Variants in FARP2 observed in about 807,000 individuals in gnomAD.
FARP2 encodes the protein FERM, ARHGEF and pleckstrin domain-containing protein 2.
Under a neutral mutation model 130.5 loss-of-function variants are expected in FARP2, and 111 were observed. That is an observed-to-expected ratio of 0.85 (90% CI 0.73 to 1.00). The LOEUF is 1.00. FARP2 is among the 50% of genes least tolerant of loss of function. The pLI is 0.00. For synonymous variants in FARP2, 504 were observed against 516.9 expected (o/e 0.98, Z 0.34); for missense variants, 1,385 against 1,346.3 (o/e 1.03, Z -0.45).
rs1171241730 is a variant in FARP2 at position 241,462,553 on chromosome 2, G to T, written c.1618G>T (p.Val540Phe). Reference protein sequence around the residue: ...RVPADEAYFIVKEILATERTY... With the variant: ...RVPADEAYFIFKEILATERTY... ...GCCTGCAGACGAGGCCTACTTCATA[G>T]TCAAAGAGATTCTCGCTACAGAACG... The change falls in exon 15 of 27, where the codon GTC (valine) becomes TTC (phenylalanine). Residue 540 changes from valine (V) to phenylalanine (F), a missense_variant. Val to Phe is a conservative substitution (Grantham distance 50). Transcript: ENST00000264042. The T allele has an allele frequency of 1.9e-6, 3 of 1,613,920 alleles. No individual in the cohort carries two copies. The highest frequency in any genetic ancestry group is 2.5e-6 in the Non-Finnish European group (3 of 1,179,908).
At chr2:241,433,129 T>TTA (rs71951290) in intron 9 of FARP2, among the ~76,000 whole-genome samples, 1 of 143,916 alleles carries the variant, frequency 6.9e-6, no homozygotes, top group African/African-American at 2.6e-5. Flanking sequence ...ACTCTGTAAG[T>TTA]AAAAAAAAAA....
intron 11 of FARP2, among the ~76,000 whole-genome samples, chr2:241,435,417 T>C (rs967994556): frequency 5.3e-5 from 8 of 152,174 alleles, no homozygotes; most frequent in African/African-American, 1.9e-4. Flanking sequence ...ATTTTAAATA[T>C]TAATCTTTAC....
At chr2:241,404,002 A>G (rs1002512727) in intron 3 of FARP2, 70 bp downstream of exon 3, 4 of 788,034 alleles carry the variant, frequency 5.1e-6, no homozygotes, top group East Asian at 2.5e-5. Context: ...AAGATCTTTC[A>G]TCATTGCCAC....
chr2:241,403,941 T>C lies in FARP2; in HGVS notation c.288+9T>C, dbSNP rs745572840. 1 of 1,535,108 alleles carries C rather than the reference T, an allele frequency of 6.5e-7. No homozygotes were observed. ...ATACTCAGTCCTACTGGGTAAGTGC[T>C]TATGACGTGCCCAGGCGTGGAGCCT... On this transcript the variant is annotated intron_variant, in intron 3 of 26. Coordinates refer to ENST00000264042, the MANE Select transcript of FARP2 (RefSeq NM_014808.4).
intron 13 of FARP2, chr2:241,456,533 C>T (rs1240326151): frequency 1.1e-5 from 6 of 553,538 alleles, no homozygotes. Flanking sequence ...GGATTGCTCT[C>T]TGAAATTGGG....
intron 5 of FARP2, among the ~76,000 whole-genome samples, chr2:241,410,720 G>A (rs370247880): frequency 2.2e-4 from 34 of 152,100 alleles, no homozygotes; most frequent in African/African-American, 7.5e-4. Context: ...GGGAGCCATC[G>A]CCCCTGGCCA....
At chr2:241,396,102 A>G (rs2062021619) in intron 2 of FARP2, 1 of 152,188 alleles carries the variant, frequency 6.6e-6, no homozygotes, top group Admixed American at 6.5e-5. Context: ...CCTGTTTAAT[A>G]AATGGTGCTG....
chr2:241,491,397 C>T, intron 23 of FARP2, 119 bp from the exon 24 acceptor site: 1 of 1,156,748 alleles, frequency 8.6e-7, no homozygotes, highest in Non-Finnish European at 1.2e-6. Flanking sequence ...CAGCAGCTGG[C>T]CTAGCACCAA....
At chr2:241,431,917 G>A (rs1295635126) in intron 9 of FARP2, 143 bp downstream of exon 9, 8 of 233,118 alleles carry the variant, frequency 3.4e-5, no homozygotes, top group Admixed American at 1.7e-4. Context: ...TGCCTCCCGG[G>A]TTCAAGCGAT....
chr2:241,491,223 A>G (rs1186316028), intron 23 of FARP2, 44 bp downstream of exon 23: 3 of 1,387,132 alleles, frequency 2.2e-6, no homozygotes, highest in East Asian at 2.3e-5. Flanking sequence ...CACTACACCT[A>G]AGGAGGCTTT....
At chr2:241,361,883 ATTTTTAT>A (rs2061194699) in intron 1 of FARP2, among the ~76,000 whole-genome samples, 1 of 151,040 alleles carries the variant, frequency 6.6e-6, no homozygotes, top group Non-Finnish European at 1.5e-5. Context: ...TATTATTATT[ATTTTTAT>A]TTTTTATTTA....
intron 22 of FARP2, 25 bp from the exon 23 acceptor site, chr2:241,491,036 C>G (rs377100342): frequency 1.1e-5 from 17 of 1,568,430 alleles, no homozygotes; most frequent in African/African-American, 1.4e-5. Flanking sequence ...AGCAGAGCCA[C>G]TGAGCCTTGC....
intron 4 of FARP2, among the ~76,000 whole-genome samples, chr2:241,406,272 C>T (rs917628147): frequency 6.6e-6 from 1 of 152,038 alleles, no homozygotes; most frequent in African/African-American, 2.4e-5. Flanking sequence ...CACGTCACTG[C>T]ACTCCAGCCT....
intron 13 of FARP2, among the ~76,000 whole-genome samples, chr2:241,447,407 G>A (rs935737296): frequency 1.3e-5 from 2 of 152,174 alleles, no homozygotes; most frequent in Non-Finnish European, 2.9e-5. Context: ...AGCTCTGTCA[G>A]TGCTTCCTGC....
intron 19 of FARP2, among the ~76,000 whole-genome samples, chr2:241,480,279 C>G (rs1270852215): frequency 6.6e-6 from 1 of 152,232 alleles, no homozygotes; most frequent in East Asian, 1.9e-4. Flanking sequence ...ACCTGATTAA[C>G]CAAGTTCTCC....
chr2:241,410,690 A>G (rs2062493841), intron 5 of FARP2, among the ~76,000 whole-genome samples: 1 of 152,130 alleles, frequency 6.6e-6, no homozygotes, highest in African/African-American at 2.4e-5. Flanking sequence ...CCAGCCTCCC[A>G]AAGTGCTGGG....
intron 13 of FARP2, chr2:241,445,263 AATC>A: frequency 1.3e-5 from 2 of 152,090 alleles, no homozygotes; most frequent in South Asian, 2.1e-4. Context: ...AAAAAAAAAA[AATC>A]AATCAAGGCT....
chr2:241,374,554 G>T (rs1028296588), intron 2 of FARP2, among the ~76,000 whole-genome samples: 1 of 152,112 alleles, frequency 6.6e-6, no homozygotes, highest in Admixed American at 6.5e-5. Flanking sequence ...ACCTTATTGC[G>T]GAATGCATTG....
chr2:241,382,346 G>C (rs1385132678), intron 2 of FARP2, among the ~76,000 whole-genome samples: 1 of 144,896 alleles, frequency 6.9e-6, no homozygotes, highest in East Asian at 2.0e-4. Flanking sequence ...CCAGGCTGGA[G>C]TGCGGTGGTG....
Sources: gnomAD v4.1 joint callset for allele counts (sites outside exome capture counted in the v4.1 genomes callset) on GRCh38, gnomAD v4.1.1 for gene constraint, MANE v1.5 for transcripts, NCBI Gene and HGNC (gene_info 2026-07-23, HGNC 2026-07-21) for gene names.